The following SCAP variants were observed in gnomAD, a reference collection of about 807,000 sequenced individuals.
The protein encoded by SCAP is SREBF chaperone, also known as sterol regulatory element-binding protein cleavage-activating protein.
SCAP carries 65 observed loss-of-function variants against 123.6 expected under a neutral mutation model. The observed-to-expected ratio is 0.53, with a 90% confidence interval of 0.43 to 0.65. SCAP has a LOEUF of 0.65. Among genes scored for constraint, SCAP ranks in the 30% least tolerant of loss-of-function variants. The probability of loss-of-function intolerance (pLI) is 0.00; values close to 1 mark genes in which losing one functional copy is unlikely to be tolerated. For synonymous variants in SCAP, 740 were observed against 726.3 expected (o/e 1.02, Z -0.30); for missense variants, 1,398 against 1,712.5 (o/e 0.82, Z 3.24).
chr3:47,444,916 T>C (rs934670163), intron 1 of SCAP, among the ~76,000 whole-genome samples: 11 of 151,504 alleles, frequency 7.3e-5, no homozygotes, highest in Non-Finnish European at 1.6e-4. Context: ...GGATTACAGG[T>C]GCCCGCCACC....
chr3:47,468,306 C>T (rs1185787035), intron 1 of SCAP, among the ~76,000 whole-genome samples: 1 of 152,174 alleles, frequency 6.6e-6, no homozygotes, highest in Non-Finnish European at 1.5e-5. Flanking sequence ...CTGTCTTCCA[C>T]AATGGTTGAA....
chr3:47,445,328 C>A (rs536128256), intron 1 of SCAP, among the ~76,000 whole-genome samples: 195 of 147,480 alleles, frequency 1.3e-3, no homozygotes, highest in African/African-American at 4.7e-3. Context: ...CTCAATGCAA[C>A]CTCTGCCTCC....
At position 47,418,419 on chromosome 3, in the gene SCAP, G is replaced by T. The variant is rs1705736096; in HGVS notation, c.2233C>A (p.Pro745Thr). The T allele has an allele frequency of 1.9e-6, 3 of 1,582,068 alleles. No individual in the cohort carries two copies. Among genetic ancestry groups the T allele is most frequent in the Admixed American group, 1.8e-5 (1 of 56,356 alleles). The change falls in exon 15 of 23, where the codon CCC becomes ACC. Residue 745 changes from proline (P) to threonine (T), a missense_variant. By Grantham distance (38) the Pro-to-Thr change is conservative. Coordinates refer to ENST00000265565, the MANE Select transcript of SCAP (RefSeq NM_012235.4). ...AGCTCCCCGCGCCTCCGCCGCCCGG[G>T]CCCACCACCCAGCTGCCCGTAGTTG... Reference protein sequence around the residue: ...PRNYGQLGGGPGRRRRGELPC... With the variant: ...PRNYGQLGGGTGRRRRGELPC...
At chr3:47,466,129 TAAAAACC>T (rs1453594464) in intron 1 of SCAP, among the ~76,000 whole-genome samples, 4 of 62,320 alleles carry the variant, frequency 6.4e-5, no homozygotes, top group African/African-American at 2.1e-4. Context: ...GAGACTGTCT[TAAAAACC>T]AAAAAAAAAA....
chr3:47,458,673 A>G (rs1436210096), intron 1 of SCAP, among the ~76,000 whole-genome samples: 1 of 152,250 alleles, frequency 6.6e-6, no homozygotes. Flanking sequence ...CCTCTTTACA[A>G]TAGAACACCA....
At chr3:47,446,017 A>G (rs1378160558) in intron 1 of SCAP, among the ~76,000 whole-genome samples, 2 of 150,606 alleles carry the variant, frequency 1.3e-5, no homozygotes, top group Non-Finnish European at 2.9e-5. Flanking sequence ...CTGGAATTAC[A>G]GATGCGCGCC....
At chr3:47,426,620 G>A (rs189399818) in intron 6 of SCAP, among the ~76,000 whole-genome samples, 185 of 152,140 alleles carry the variant, frequency 1.2e-3, no homozygotes, top group Middle Eastern at 0.01. Flanking sequence ...TGTATTTTTA[G>A]TAGAGACGGG....
At chr3:47,459,938 G>A (rs761468205) in intron 1 of SCAP, among the ~76,000 whole-genome samples, 5 of 152,066 alleles carry the variant, frequency 3.3e-5, no homozygotes, top group Non-Finnish European at 7.4e-5. Flanking sequence ...CTCCCAGAGC[G>A]GCCATTTATA....
intron 1 of SCAP, among the ~76,000 whole-genome samples, chr3:47,470,600 C>T (rs59825859): frequency 0.065 from 9,881 of 152,272 alleles, 1,073 homozygotes; most frequent in African/African-American, 0.22. Context: ...CAGTGGCTCA[C>T]GCCTATAATC....
chr3:47,414,597 G>A lies in SCAP; in HGVS notation c.3362C>T (p.Ala1121Val). 1.2e-6 allele frequency: 2 copies of A among 1,613,428 alleles called. No homozygotes were observed. Among genetic ancestry groups the A allele is most frequent in the Non-Finnish European group, 1.7e-6 (2 of 1,180,012 alleles). ...CLFTLQGHSG[A>V]ITTVYIDQTM... ...CTGGTCAATGTACACGGTCGTGATGGCCCCTGAGTGGCCCTGAAGGGTGAA... is the reference window on the plus strand; with the variant it reads ...CTGGTCAATGTACACGGTCGTGATGACCCCTGAGTGGCCCTGAAGGGTGAA... The change falls in exon 21 of 23, where the codon GCC (alanine) becomes GTC (valine). Residue 1121 changes from alanine to valine, a missense_variant. Ala to Val is a moderately conservative substitution (Grantham distance 64). This residue lies in a region of SCAP where 44 missense variants were observed against 64.4 expected (regional missense o/e 0.68). Coordinates refer to ENST00000265565, the MANE Select transcript of SCAP (RefSeq NM_012235.4).
In SCAP at chr3:47,420,290, C is replaced by A. The variant is rs1403192521; in HGVS notation, c.1563+264G>T. Among the ~76,000 whole-genome samples the A allele has an allele frequency of 6.6e-6, 1 of 152,186 alleles. No individual in the cohort carries two copies. The highest frequency in any genetic ancestry group is 1.5e-5 in the Non-Finnish European group (1 of 68,022). Reference sequence around the variant, plus strand: ...CATCCCAGAGCACTCAACTAACAGGCTCCTGTCCTGGGCCACTCTGGGGAG... The same window carrying A: ...CATCCCAGAGCACTCAACTAACAGGATCCTGTCCTGGGCCACTCTGGGGAG... On this transcript the variant is annotated intron_variant, in intron 12 of 22. Transcript: ENST00000265565. The surrounding 1 kb of genome is among the most constrained non-coding windows in gnomAD (Gnocchi z 5.0).
At chr3:47,463,898 T>C (rs966293086) in intron 1 of SCAP, among the ~76,000 whole-genome samples, 1 of 151,972 alleles carries the variant, frequency 6.6e-6, no homozygotes, top group Non-Finnish European at 1.5e-5. Flanking sequence ...GATACAGTTG[T>C]ACAATCGTGG....
Position 47,417,150 on chromosome 3 carries a change from T to G in SCAP, c.3028A>C (p.Ile1010Leu). ...CCSSEEVSSG[I>L]TALVFLDKRI... ...TTGTCCAAGAACACCAGAGCGGTAA[T>G]GCCTGAGGAGACCTCCTCGCTGCTG... is the stretch of plus-strand genomic sequence containing the variant. Residue 1010 changes from isoleucine (I) to leucine (L), a missense_variant, in exon 18 of 23, where the codon ATT (isoleucine) becomes CTT (leucine). Ile to Leu is a conservative substitution (Grantham distance 5). Coordinates refer to ENST00000265565, the MANE Select transcript of SCAP (RefSeq NM_012235.4). 2 of 1,612,952 alleles carry G rather than the reference T, an allele frequency of 1.2e-6. No individual in the cohort carries two copies. The highest frequency in any genetic ancestry group is 8.5e-7 in the Non-Finnish European group (1 of 1,179,900).
At chr3:47,451,051 A>G (rs1405715778) in intron 1 of SCAP, among the ~76,000 whole-genome samples, 2 of 118,882 alleles carry the variant, frequency 1.7e-5, no homozygotes, top group Non-Finnish European at 3.7e-5. Context: ...CAGGGTCTCA[A>G]TATGTTGCCC....
At chr3:47,437,993 A>G (rs981124810) in intron 2 of SCAP, among the ~76,000 whole-genome samples, 1 of 152,186 alleles carries the variant, frequency 6.6e-6, no homozygotes, top group Non-Finnish European at 1.5e-5. Flanking sequence ...TAGGAGTTCC[A>G]GTTTCTCCAA....
chr3:47,420,579 G>A lies in SCAP; in HGVS notation c.1538C>T (p.Thr513Ile), dbSNP rs2107787848. 6.2e-7 allele frequency: 1 copy of A among 1,608,794 alleles called. No individual in the cohort carries two copies. Among genetic ancestry groups the A allele is most frequent in the Non-Finnish European group, 8.5e-7 (1 of 1,178,174 alleles). The stretch of plus-strand genomic sequence containing the variant: ...CATGATGAGGCGCTGTGCCAGGCGG[G>A]TGCGGGCCAGGAAGTAGACAACACG... ...RLRVVYFLAR[T>I]RLAQRLIMAG... Residue 513 changes from threonine (T) to isoleucine (I), a missense_variant, in exon 12 of 23, where the codon ACC becomes ATC. Physicochemically the swap from Thr to Ile is moderately conservative, Grantham distance 89. Transcript: ENST00000265565. This position sits in a 1 kb window ranked among gnomAD's most constrained non-coding sequence, Gnocchi z 5.0.
rs143077962 is a variant in SCAP at position 47,445,292 on chromosome 3, G to A, written c.-98-2201C>T. On this transcript the variant is annotated intron_variant, in intron 1 of 22. Coordinates refer to ENST00000265565, the MANE Select transcript of SCAP (RefSeq NM_012235.4). ...ATAAAGTTTTGCTCTTGTTGCCCAG[G>A]CTGGAGTGCTGTGGCACAATCTCCA... is the stretch of plus-strand genomic sequence containing the variant. Among the ~76,000 whole-genome samples the A allele has an allele frequency of 8.1e-3, 1,201 of 147,932 alleles. 18 individuals are homozygous for A. Among genetic ancestry groups the A allele is most frequent in the African/African-American group, 0.029 (1,148 of 39,870 alleles).
intron 1 of SCAP, among the ~76,000 whole-genome samples, chr3:47,444,531 T>C (rs913705337): frequency 1.9e-4 from 29 of 152,096 alleles, no homozygotes; most frequent in African/African-American, 6.8e-4. Flanking sequence ...TGGAGTGCAG[T>C]GGGCACTCTC....
intron 2 of SCAP, 122 bp downstream of exon 2, chr3:47,442,750 G>A (rs781547584): frequency 7.0e-5 from 57 of 812,144 alleles, no homozygotes; most frequent in Non-Finnish European, 1.1e-4. Flanking sequence ...CAGTTATAAG[G>A]AGCCCAAGCT....
Sources: gnomAD v4.1 joint callset for allele counts (sites outside exome capture counted in the v4.1 genomes callset) on GRCh38, gnomAD v4.1.1 for gene constraint, gnomAD v4.1.1 regional missense constraint, Gnocchi (gnomAD v3.1) non-coding constraint, MANE v1.5 for transcripts, NCBI Gene and HGNC (gene_info 2026-07-23, HGNC 2026-07-21) for gene names.